THRB: variants seen among roughly 807,000 people sequenced by gnomAD.
The protein encoded by THRB is thyroid hormone receptor beta, also known as nuclear receptor subfamily 1 group A member 2.
THRB carries 12 observed loss-of-function variants against 47.8 expected under a neutral mutation model. The ratio of observed to expected loss-of-function variants is 0.25; its 90% CI spans 0.16 to 0.41. The LOEUF is 0.41. Among genes scored for constraint, THRB ranks in the 10% least tolerant of loss-of-function variants. The pLI is 1.00. For synonymous variants in THRB, 218 were observed against 212.2 expected (o/e 1.03, Z -0.24); for missense variants, 348 against 589.2 (o/e 0.59, Z 4.24).
intron 7 of THRB, chr3:24,144,294 G>T (rs887322863): frequency 2.5e-5 from 4 of 162,314 alleles, no homozygotes; most frequent in African/African-American, 9.6e-5. Context: ...GGGCCTCAAG[G>T]TACTCACTGT....
At chr3:24,316,430 A>G (rs906074703) in intron 2 of THRB, among the ~76,000 whole-genome samples, 4 of 149,940 alleles carry the variant, frequency 2.7e-5, no homozygotes, top group African/African-American at 9.9e-5. Context: ...TTCCTTTCAG[A>G]AGACATTGTG....
intron 5 of THRB, among the ~76,000 whole-genome samples, chr3:24,158,838 CT>C: frequency 8.6e-6 from 1 of 116,510 alleles, no homozygotes; most frequent in Non-Finnish European, 1.8e-5. Context: ...TAAGACAGCT[CT>C]TCCTCTCTCT....
chr3:24,412,610 T>C (rs2068402564), intron 1 of THRB, among the ~76,000 whole-genome samples: 1 of 151,854 alleles, frequency 6.6e-6, no homozygotes, highest in African/African-American at 2.4e-5. Context: ...ATTCTCCTAC[T>C]GTGTCAAGTG....
chr3:24,404,396 T>G (rs1015665614), intron 1 of THRB, among the ~76,000 whole-genome samples: 1 of 151,912 alleles, frequency 6.6e-6, no homozygotes, highest in African/African-American at 2.4e-5. Context: ...TTCACACTTA[T>G]CATAAAAGGC....
At chr3:24,145,563 C>A (rs1291076158) in intron 7 of THRB, among the ~76,000 whole-genome samples, 1 of 151,320 alleles carries the variant, frequency 6.6e-6, no homozygotes, top group Non-Finnish European at 1.5e-5. Context: ...GGCTAAAGGC[C>A]TTTAAGAGAT....
chr3:24,390,071 C>T (rs552676981), intron 1 of THRB, among the ~76,000 whole-genome samples: 14 of 152,206 alleles, frequency 9.2e-5, no homozygotes, highest in African/African-American at 3.4e-4. Context: ...TGCTTTAGAC[C>T]ATGTGCTCTT....
chr3:24,419,225 G>A (rs558896570), intron 1 of THRB, among the ~76,000 whole-genome samples: 6 of 151,874 alleles, frequency 4.0e-5, no homozygotes, highest in Non-Finnish European at 5.9e-5. Context: ...TGAGTACCCT[G>A]TACTATCTCT....
intron 3 of THRB, among the ~76,000 whole-genome samples, chr3:24,233,595 G>GAGAAAGAAAGAAAGAAAGAAAAAT (rs1553658452): frequency 7.0e-6 from 1 of 143,854 alleles, no homozygotes; most frequent in Non-Finnish European, 1.5e-5. Flanking sequence ...AAGAAAGAAA[G>GAGAAAGAAAGAAAGAAAGAAAAAT]AAAGAAAGAA....
At chr3:24,461,021 T>C (rs1056217121) in intron 1 of THRB, among the ~76,000 whole-genome samples, 7 of 152,190 alleles carry the variant, frequency 4.6e-5, no homozygotes, top group African/African-American at 1.7e-4. Flanking sequence ...CTCTAAAATT[T>C]AATTCAAAAC....
intron 1 of THRB, among the ~76,000 whole-genome samples, chr3:24,346,952 CA>C (rs1382329726): frequency 1.3e-5 from 2 of 148,778 alleles, no homozygotes; most frequent in African/African-American, 5.2e-5. Flanking sequence ...TTACAGCCAA[CA>C]ATTACAGAAT....
At chr3:24,399,036 C>T (rs2067196572) in intron 1 of THRB, among the ~76,000 whole-genome samples, 1 of 151,314 alleles carries the variant, frequency 6.6e-6, no homozygotes, top group Non-Finnish European at 1.5e-5. Flanking sequence ...AATGAGAACA[C>T]TTGGACACAG....
intron 9 of THRB, among the ~76,000 whole-genome samples, chr3:24,129,999 A>G (rs996329205): frequency 1.3e-5 from 2 of 152,144 alleles, no homozygotes; most frequent in African/African-American, 4.8e-5. Flanking sequence ...TCTCAAGACC[A>G]CCTGAGATCT....
chr3:24,438,180 C>A (rs1307021448), intron 1 of THRB, among the ~76,000 whole-genome samples: 2 of 151,940 alleles, frequency 1.3e-5, no homozygotes, highest in Non-Finnish European at 2.9e-5. Context: ...TACCCGGCTT[C>A]ATTCCAGAGT....
intron 3 of THRB, among the ~76,000 whole-genome samples, chr3:24,233,599 G>T (rs866442388): frequency 4.6e-5 from 7 of 150,792 alleles, no homozygotes; most frequent in Admixed American, 1.3e-4. Context: ...AAGAAAGAAA[G>T]AAAGAAAGAA....
At chr3:24,222,176 C>T (rs1047956915) in intron 4 of THRB, among the ~76,000 whole-genome samples, 3 of 152,174 alleles carry the variant, frequency 2.0e-5, no homozygotes, top group Non-Finnish European at 2.9e-5. Context: ...AGGTGCTGGT[C>T]TCCTCTCTTC....
intron 4 of THRB, among the ~76,000 whole-genome samples, chr3:24,205,479 C>T (rs1480707863): frequency 1.3e-5 from 2 of 152,140 alleles, no homozygotes; most frequent in Non-Finnish European, 2.9e-5. Context: ...CAGGCCTGCC[C>T]TACAAGAGCT....
intron 1 of THRB, among the ~76,000 whole-genome samples, chr3:24,380,421 A>G (rs2065614113): frequency 6.6e-6 from 1 of 151,808 alleles, no homozygotes; most frequent in African/African-American, 2.4e-5. Context: ...TGTGATACTC[A>G]GCGTTCCTTA....
chr3:24,231,601 TTAGTATTTAG>T (rs1370683751), intron 3 of THRB, among the ~76,000 whole-genome samples: 9 of 152,080 alleles, frequency 5.9e-5, no homozygotes, highest in East Asian at 1.9e-4. Context: ...TTGGTATTAT[TTAGTATTTAG>T]TAGTATTTAG....
At chr3:24,124,050 G>A (rs6782978) in intron 10 of THRB, among the ~76,000 whole-genome samples, 36,613 of 152,088 alleles carry the variant, frequency 0.24, 6,176 homozygotes, top group African/African-American at 0.48. Flanking sequence ...GAGGCCCAAC[G>A]TGCCCCTGCT....
Sources: allele counts gnomAD v4.1 joint callset (sites outside exome capture counted in the v4.1 genomes callset), GRCh38; gene constraint gnomAD v4.1.1; transcripts MANE v1.5; gene names NCBI Gene and HGNC (gene_info 2026-07-23, HGNC 2026-07-21).